Variants in ITPRID1 observed in about 807,000 individuals in gnomAD.
ITPRID1 encodes the protein ITPR interacting domain containing 1.
Under a neutral mutation model 95.4 loss-of-function variants are expected in ITPRID1, and 96 were observed. That is an observed-to-expected ratio of 1.01 (90% CI 0.85 to 1.19). The LOEUF (loss-of-function observed/expected upper bound fraction) is 1.19. Among genes scored for constraint, ITPRID1 ranks in the 50% most tolerant of loss-of-function variants. The probability of loss-of-function intolerance (pLI) is 0.00; values close to 1 mark genes in which losing one functional copy is unlikely to be tolerated. For missense variants in ITPRID1, 1,339 were observed against 1,252.9 expected, an observed-to-expected ratio of 1.07 and a Z score of -1.04; for synonymous variants, 510 against 453.6, an observed-to-expected ratio of 1.12 and a Z score of -1.58.
chr7:31,656,698 A>G (rs1003179207), downstream of ITPRID1, among the ~76,000 whole-genome samples: 1 of 152,110 alleles, frequency 6.6e-6, no homozygotes, highest in African/African-American at 2.4e-5. Flanking sequence ...GTAAAAAGGG[A>G]CTTATTTGTG....
At chr7:31,585,653 T>C (rs1251393967) in intron 10 of ITPRID1, among the ~76,000 whole-genome samples, 1 of 152,030 alleles carries the variant, frequency 6.6e-6, no homozygotes. Flanking sequence ...ACTAACATGA[T>C]AAGGTAAAAA....
intron 5 of ITPRID1, among the ~76,000 whole-genome samples, chr7:31,557,085 G>A (rs1164993443): frequency 6.6e-6 from 1 of 151,834 alleles, no homozygotes; most frequent in East Asian, 2.0e-4. Context: ...AAAGACACCA[G>A]TCATTGGATT....
intron 10 of ITPRID1, among the ~76,000 whole-genome samples, chr7:31,616,420 A>C (rs1444371970): frequency 2.8e-4 from 2 of 7,242 alleles, no homozygotes; most frequent in Non-Finnish European, 7.3e-4. Flanking sequence ...CACCTGTCTT[A>C]GGTTGGATTC....
chr7:31,546,060 A>G (rs953555238), intron 1 of ITPRID1, among the ~76,000 whole-genome samples: 1 of 152,124 alleles, frequency 6.6e-6, no homozygotes, highest in Non-Finnish European at 1.5e-5. Flanking sequence ...TAAACAGTCT[A>G]TGTGGAGGCT....
chr7:31,524,475 C>T (rs745610840), intron 1 of ITPRID1, among the ~76,000 whole-genome samples: 7 of 152,110 alleles, frequency 4.6e-5, no homozygotes, highest in Non-Finnish European at 7.4e-5. Context: ...TTAGTGGTCC[C>T]ATTTCGAGAT....
intron 11 of ITPRID1, 39 bp downstream of exon 11, chr7:31,642,297 A>G (rs1790095888): frequency 7.4e-7 from 1 of 1,351,952 alleles, no homozygotes; most frequent in Non-Finnish European, 1.0e-6. Flanking sequence ...GCTCATCCCT[A>G]ACATCCCACT....
At chr7:31,649,023 A>G (rs1347778576) in intron 12 of ITPRID1, among the ~76,000 whole-genome samples, 2 of 152,368 alleles carry the variant, frequency 1.3e-5, no homozygotes, top group South Asian at 2.1e-4. Flanking sequence ...CAACATCAGT[A>G]TCACTTCAGA....
At chr7:31,591,250 G>GT (rs140689235) in intron 10 of ITPRID1, among the ~76,000 whole-genome samples, 16,511 of 152,152 alleles carry the variant, frequency 0.11, 1,006 homozygotes, top group African/African-American at 0.14. Context: ...TTGGTAGAGA[G>GT]TTTTTTCTTA....
chr7:31,631,877 G>C (rs772155717), intron 10 of ITPRID1, among the ~76,000 whole-genome samples: 1 of 152,172 alleles, frequency 6.6e-6, no homozygotes, highest in Non-Finnish European at 1.5e-5. Flanking sequence ...ACTATTTTCA[G>C]TCTTTCTTCG....
At chr7:31,571,865 TG>T (rs1440883265) in intron 6 of ITPRID1, among the ~76,000 whole-genome samples, 1 of 152,198 alleles carries the variant, frequency 6.6e-6, no homozygotes, top group East Asian at 1.9e-4. Flanking sequence ...ACCTTCATAA[TG>T]AGCACTAGCG....
chr7:31,537,255 C>T (rs1471903556), intron 1 of ITPRID1, among the ~76,000 whole-genome samples: 1 of 152,028 alleles, frequency 6.6e-6, no homozygotes, highest in Non-Finnish European at 1.5e-5. Flanking sequence ...GTGAGTGGCC[C>T]ACAGTTTCAC....
At chr7:31,602,110 C>T (rs193244033) in intron 10 of ITPRID1, among the ~76,000 whole-genome samples, 28 of 152,208 alleles carry the variant, frequency 1.8e-4, no homozygotes, top group East Asian at 9.6e-4. Flanking sequence ...CAAACAGCCC[C>T]GAACGACTTA....
chr7:31,564,043 T>G, intron 5 of ITPRID1, among the ~76,000 whole-genome samples: 1 of 152,180 alleles, frequency 6.6e-6, no homozygotes, highest in East Asian at 1.9e-4. Flanking sequence ...ATTTGATTAG[T>G]CTATTGGACG....
At chr7:31,572,507 T>TA (rs1241941956) in intron 7 of ITPRID1, among the ~76,000 whole-genome samples, 1 of 152,018 alleles carries the variant, frequency 6.6e-6, no homozygotes, top group Non-Finnish European at 1.5e-5. Flanking sequence ...TTTTTAAGAT[T>TA]AAAAAAAGCA....
In ITPRID1 at chr7:31,554,898, A is replaced by C; in HGVS notation, c.253A>C (p.Thr85Pro). Reference protein sequence around the residue: ...NENFQQVIDRTVSLYEQGMVQ... With the variant: ...NENFQQVIDRPVSLYEQGMVQ... The stretch of plus-strand genomic sequence containing the variant: ...AAACTTTCAACAAGTCATTGACCGC[A>C]CTGGTAAGACAAGAGAAGCAGTTAT... The change falls in exon 5 of 15, where the codon ACT (threonine) becomes CCT (proline). Residue 85 changes from threonine to proline, a missense_variant. Transcript: ENST00000615280. 1 of 1,578,326 alleles carries C rather than the reference A, an allele frequency of 6.3e-7. No individual in the cohort carries two copies. The highest frequency in any genetic ancestry group is 8.6e-7 in the Non-Finnish European group (1 of 1,159,056).
chr7:31,605,871 A>G (rs1786599216), intron 10 of ITPRID1, among the ~76,000 whole-genome samples: 1 of 152,170 alleles, frequency 6.6e-6, no homozygotes, highest in Non-Finnish European at 1.5e-5. Context: ...TTCTGCTGCC[A>G]ACTCTAGCCG....
At chr7:31,614,211 T>C (rs1158617374) in intron 10 of ITPRID1, among the ~76,000 whole-genome samples, 1 of 152,214 alleles carries the variant, frequency 6.6e-6, no homozygotes, top group Non-Finnish European at 1.5e-5. Flanking sequence ...CAATACCTTC[T>C]TGTGCATCTT....
chr7:31,566,857 T>C (rs907349248), intron 5 of ITPRID1, among the ~76,000 whole-genome samples: 3 of 152,314 alleles, frequency 2.0e-5, no homozygotes, highest in African/African-American at 4.8e-5. Flanking sequence ...GGATTAGCCA[T>C]GCCTGCCTAG....
At chr7:31,620,065 G>A (rs568510069) in intron 10 of ITPRID1, among the ~76,000 whole-genome samples, 131 of 152,272 alleles carry the variant, frequency 8.6e-4, no homozygotes, top group Non-Finnish European at 1.7e-3. Context: ...AGGGGTGCCC[G>A]CCATTACCCA....
Sources: gnomAD v4.1 joint callset for allele counts (sites outside exome capture counted in the v4.1 genomes callset) on GRCh38, gnomAD v4.1.1 for gene constraint, MANE v1.5 for transcripts, NCBI Gene and HGNC (gene_info 2026-07-23, HGNC 2026-07-21) for gene names.